The following FAAH2 variants were observed in gnomAD, a reference collection of about 807,000 sequenced individuals.
FAAH2 encodes fatty-acid amide hydrolase 2.
In FAAH2, 60 loss-of-function variants were observed where a neutral mutation model predicts 36.9. The observed-to-expected ratio is 1.63, with a 90% CI of 1.32 to 2.02. FAAH2 has a LOEUF of 2.02. Ranked by LOEUF, FAAH2 falls within the 30% of genes most tolerant of loss-of-function variation. The pLI, the probability that FAAH2 is intolerant of heterozygous loss-of-function variation, is 0.00. For synonymous variants in FAAH2, 214 were observed against 143.8 expected, an observed-to-expected ratio of 1.49 and a Z score of -3.49; for missense variants, 689 against 397.5, an observed-to-expected ratio of 1.73 and a Z score of -6.23.
At chrX:57,431,872 C>T (rs2056310666) in intron 7 of FAAH2, 46 bp from the exon 8 acceptor site, 4 of 1,031,837 alleles carry the variant, frequency 3.9e-6, no homozygotes, top group Non-Finnish European at 5.1e-6. Flanking sequence ...AGTAGTATCT[C>T]CTCTTCTCAT....
chrX:57,202,195 G>T, the FAAH2 span, among the ~76,000 whole-genome samples: 4 of 111,955 alleles, frequency 3.6e-5, no homozygotes, highest in Admixed American at 1.9e-4. Flanking sequence ...CTTGATACTT[G>T]TAAATGTTCA....
At chrX:57,156,370 G>A in the FAAH2 span, among the ~76,000 whole-genome samples, 1 of 111,780 alleles carries the variant, frequency 8.9e-6, no homozygotes, top group South Asian at 3.8e-4. Context: ...GGCACTTCAG[G>A]ATTGGTTTCT....
chrX:57,143,674 C>A, the FAAH2 span, among the ~76,000 whole-genome samples: 1 of 110,712 alleles, frequency 9.0e-6, no homozygotes, highest in African/African-American at 3.3e-5. Flanking sequence ...CAGGGGGTTT[C>A]TCCATGTTGC....
chrX:57,141,385 C>T, the FAAH2 span, among the ~76,000 whole-genome samples: 5 of 111,552 alleles, frequency 4.5e-5, no homozygotes, highest in African/African-American at 1.6e-4. Context: ...GTAATATTGG[C>T]GTATAATGTT....
the FAAH2 span, among the ~76,000 whole-genome samples, chrX:57,216,534 A>ATACG: frequency 2.7e-5 from 2 of 73,545 alleles, no homozygotes; most frequent in African/African-American, 1.5e-4. Context: ...ATGTATATAT[A>ATACG]TATATATACG....
At chrX:57,262,905 C>G in the FAAH2 span, among the ~76,000 whole-genome samples, 6 of 111,171 alleles carry the variant, frequency 5.4e-5, no homozygotes, top group Admixed American at 4.8e-4. Context: ...TGACAAAATT[C>G]TACATTCATT....
intron 10 of FAAH2, among the ~76,000 whole-genome samples, chrX:57,482,494 G>A (rs2057397622): frequency 9.1e-6 from 1 of 110,442 alleles, no homozygotes; most frequent in Non-Finnish European, 1.9e-5. Context: ...GGGAGAGGGA[G>A]GTCCCCCAAC....
At chrX:57,271,496 G>A in the FAAH2 span, among the ~76,000 whole-genome samples, 1 of 112,225 alleles carries the variant, frequency 8.9e-6, no homozygotes, top group Non-Finnish European at 1.9e-5. Flanking sequence ...GGGGCCAACA[G>A]ACATCTCTTA....
the FAAH2 span, among the ~76,000 whole-genome samples, chrX:57,161,889 T>C: frequency 1.8e-5 from 2 of 111,605 alleles, no homozygotes; most frequent in South Asian, 7.6e-4. Flanking sequence ...ACGTGTGAAT[T>C]TGATCCTGTC....
intron 7 of FAAH2, among the ~76,000 whole-genome samples, chrX:57,420,601 C>A (rs775621980): frequency 3.7e-4 from 41 of 110,011 alleles, no homozygotes; most frequent in African/African-American, 1.4e-3. Flanking sequence ...AGTTGCTTAT[C>A]AGCTTAAGGA....
At chrX:57,463,726 T>A (rs2057000418) in intron 10 of FAAH2, among the ~76,000 whole-genome samples, 1 of 111,683 alleles carries the variant, frequency 9.0e-6, no homozygotes, top group Admixed American at 9.5e-5. Flanking sequence ...CCAGTTAGAA[T>A]GGTGATCATT....
chrX:57,438,971 G>T (rs1208911163), intron 8 of FAAH2, among the ~76,000 whole-genome samples: 20 of 110,373 alleles, frequency 1.8e-4, no homozygotes, highest in South Asian at 7.8e-4. Flanking sequence ...ATGGTGTATA[G>T]GTGCCACATT....
the FAAH2 span, among the ~76,000 whole-genome samples, chrX:57,201,756 C>T: frequency 4.5e-5 from 5 of 111,462 alleles, no homozygotes; most frequent in African/African-American, 1.3e-4. Flanking sequence ...ACAGTACCTT[C>T]TCTATAAGAC....
At chrX:57,274,238 T>A in the FAAH2 span, among the ~76,000 whole-genome samples, 2 of 111,937 alleles carry the variant, frequency 1.8e-5, no homozygotes, top group Non-Finnish European at 3.8e-5. Context: ...AATAGACCAA[T>A]AACAAGTTCT....
chrX:57,316,461 C>T (rs189971134), intron 3 of FAAH2, among the ~76,000 whole-genome samples: 30 of 111,579 alleles, frequency 2.7e-4, no homozygotes, highest in Non-Finnish European at 5.5e-4. Context: ...TCACACTACC[C>T]CACTTAAAAC....
chrX:57,178,281 T>C, the FAAH2 span, among the ~76,000 whole-genome samples: 2 of 112,266 alleles, frequency 1.8e-5, no homozygotes, highest in African/African-American at 3.2e-5. Context: ...TTAGCCAGAA[T>C]GATGCAGACA....
At chrX:57,365,661 G>C (rs930703411) in intron 5 of FAAH2, among the ~76,000 whole-genome samples, 6 of 111,824 alleles carry the variant, frequency 5.4e-5, no homozygotes, top group African/African-American at 1.6e-4. Context: ...CTTCCACATT[G>C]CTTGCTCTCT....
chrX:57,131,682 A>G, the FAAH2 span, among the ~76,000 whole-genome samples: 1 of 112,332 alleles, frequency 8.9e-6, no homozygotes, highest in African/African-American at 3.2e-5. Context: ...ATTAACTGTA[A>G]CATAACTGTA....
the FAAH2 span, among the ~76,000 whole-genome samples, chrX:57,228,774 C>G: frequency 8.9e-6 from 1 of 111,877 alleles, no homozygotes; most frequent in Non-Finnish European, 1.9e-5. Flanking sequence ...CAAAACTTTG[C>G]TCCATGATTC....
Sources: allele counts gnomAD v4.1 joint callset (sites outside exome capture counted in the v4.1 genomes callset), GRCh38; gene constraint gnomAD v4.1.1; transcripts MANE v1.5; gene names NCBI Gene and HGNC (gene_info 2026-07-23, HGNC 2026-07-21).